Variants in CDH8 observed in about 807,000 individuals in gnomAD.
CDH8 encodes the protein cadherin-8.
CDH8 carries 17 observed loss-of-function variants against 68.1 expected under a neutral mutation model. The observed-to-expected ratio is 0.25, with a 90% CI of 0.17 to 0.37. The LOEUF (loss-of-function observed/expected upper bound fraction) is 0.37. Among genes scored for constraint, CDH8 ranks in the 10% least tolerant of loss-of-function variants. The pLI is 1.00. For synonymous variants in CDH8, 372 were observed against 365.1 expected, an observed-to-expected ratio of 1.02 and a Z score of -0.21; for missense variants, 763 against 999.3, an observed-to-expected ratio of 0.76 and a Z score of 3.19.
In CDH8 at chr16:61,650,223, A is replaced by G. The variant is rs1963289994; in HGVS notation, c.*3385T>C. ...GAAATGCCCCCCTTAATACTCTTTA[A>G]TATTCATATATGGATGTTTAAGAGA... is the stretch of plus-strand genomic sequence containing the variant. On this transcript the variant is annotated 3_prime_UTR_variant, in exon 12 of 12. Transcript: ENST00000577390. 1 of 152,092 alleles carries G rather than the reference A, an allele frequency of 6.6e-6. No individual in the cohort carries two copies. Among genetic ancestry groups the G allele is most frequent in the South Asian group, 2.1e-4 (1 of 4,836 alleles). The allele number at this position is 152,092 out of a possible 1,614,324, so 9.4% of individuals were successfully genotyped here.
intron 7 of CDH8, among the ~76,000 whole-genome samples, chr16:61,801,329 G>C (rs1961623325): frequency 1.3e-5 from 2 of 152,162 alleles, no homozygotes; most frequent in South Asian, 4.1e-4. Context: ...ATCTCAAAAT[G>C]TGTAACAAAT....
At chr16:61,979,922 G>A (rs772527300) in intron 2 of CDH8, among the ~76,000 whole-genome samples, 10 of 152,194 alleles carry the variant, frequency 6.6e-5, no homozygotes, top group Non-Finnish European at 1.2e-4. Flanking sequence ...CTAGCATGGA[G>A]AAGCGTGCTT....
intron 10 of CDH8, among the ~76,000 whole-genome samples, chr16:61,657,308 A>T: frequency 6.6e-6 from 1 of 152,242 alleles, no homozygotes; most frequent in South Asian, 2.1e-4. Flanking sequence ...CAAAATGGAT[A>T]TATAGTTATA....
intron 2 of CDH8, among the ~76,000 whole-genome samples, chr16:61,915,434 C>T (rs908702109): frequency 1.3e-5 from 2 of 152,116 alleles, no homozygotes; most frequent in Non-Finnish European, 2.9e-5. Flanking sequence ...TAATTGTTTG[C>T]TCAATATCAC....
chr16:61,770,619 T>A (rs1412976145), intron 8 of CDH8, among the ~76,000 whole-genome samples: 1 of 151,944 alleles, frequency 6.6e-6, no homozygotes, highest in Non-Finnish European at 1.5e-5. Context: ...TTCATGCTGT[T>A]CCCTTTGCCA....
At chr16:61,898,632 A>G (rs530700939) in intron 3 of CDH8, among the ~76,000 whole-genome samples, 1 of 152,324 alleles carries the variant, frequency 6.6e-6, no homozygotes, top group South Asian at 2.1e-4. Flanking sequence ...TTGGAAAATT[A>G]CTGAGATCAT....
At chr16:62,022,458 G>T (rs1295364373) in intron 1 of CDH8, among the ~76,000 whole-genome samples, 1 of 152,032 alleles carries the variant, frequency 6.6e-6, no homozygotes, top group Non-Finnish European at 1.5e-5. Context: ...GATTCAGAAA[G>T]GCAAGGGCAC....
chr16:62,002,668 A>G (rs1469106282), intron 2 of CDH8, among the ~76,000 whole-genome samples: 1 of 152,192 alleles, frequency 6.6e-6, no homozygotes, highest in Non-Finnish European at 1.5e-5. Context: ...AAAATACCCC[A>G]TTTTTTATAA....
chr16:61,660,573 G>A (rs1449540778), intron 10 of CDH8, among the ~76,000 whole-genome samples: 2 of 151,882 alleles, frequency 1.3e-5, no homozygotes, highest in Non-Finnish European at 2.9e-5. Flanking sequence ...AAAAAAAATA[G>A]TCTATACATC....
At chr16:61,909,998 A>G (rs187033599) in intron 2 of CDH8, among the ~76,000 whole-genome samples, 91 of 152,290 alleles carry the variant, frequency 6.0e-4, no homozygotes, top group Admixed American at 2.4e-3. Context: ...CCCTATAGCA[A>G]ATCCGTTGCT....
intron 2 of CDH8, chr16:61,918,142 G>T (rs1176584669): frequency 1.3e-5 from 2 of 151,670 alleles, no homozygotes; most frequent in Non-Finnish European, 1.5e-5. Context: ...TTTCACGTAA[G>T]AGTGTCTTTC....
chr16:61,948,526 A>T (rs1964836503), intron 2 of CDH8, among the ~76,000 whole-genome samples: 1 of 152,188 alleles, frequency 6.6e-6, no homozygotes, highest in Admixed American at 6.5e-5. Flanking sequence ...TTCCCTACTC[A>T]AAGGTTAACT....
chr16:61,863,878 A>C (rs1314261346), intron 3 of CDH8, among the ~76,000 whole-genome samples: 1 of 152,206 alleles, frequency 6.6e-6, no homozygotes, highest in Non-Finnish European at 1.5e-5. Flanking sequence ...TGTCTTACTT[A>C]AACATTCATG....
At chr16:61,900,036 T>C (rs1303773453) in intron 3 of CDH8, among the ~76,000 whole-genome samples, 1 of 152,240 alleles carries the variant, frequency 6.6e-6, no homozygotes, top group African/African-American at 2.4e-5. Context: ...ACTATATGTC[T>C]GTATACTTCC....
rs535444387 is a variant in CDH8 at position 61,900,693 on chromosome 16, T to C, written c.547+486A>G. Among the ~76,000 whole-genome samples the C allele has an allele frequency of 1.2e-4, 18 of 152,320 alleles. 1 individual carries two copies. In the East Asian group the frequency reaches 3.5e-3, roughly 29 times the overall value. ...ACACAAATACAGAGGCCCTTGGTAA[T>C]GTCGATTGCCTAATCCACCCTAGAC... On this transcript the variant is annotated intron_variant, in intron 3 of 11. Coordinates refer to ENST00000577390, the MANE Select transcript of CDH8 (RefSeq NM_001796.5).
At chr16:61,677,370 T>G (rs956784926) in intron 10 of CDH8, among the ~76,000 whole-genome samples, 23 of 151,728 alleles carry the variant, frequency 1.5e-4, no homozygotes, top group African/African-American at 4.1e-4. Context: ...ACTCTTCCAG[T>G]GGCAGCCTCC....
intron 4 of CDH8, among the ~76,000 whole-genome samples, chr16:61,853,236 A>G (rs981221298): frequency 1.3e-5 from 2 of 152,096 alleles, no homozygotes; most frequent in Non-Finnish European, 2.9e-5. Flanking sequence ...TAATTCCATG[A>G]AGTGAAATGT....
chr16:61,820,934 G>A lies in CDH8; in HGVS notation c.1015C>T (p.Leu339=), dbSNP rs202226552. 6.2e-7 allele frequency: 1 copy of A among 1,609,876 alleles called. No individual in the cohort carries two copies. Among genetic ancestry groups the A allele is most frequent in the Middle Eastern group, 1.7e-4 (1 of 6,026 alleles). ...DAQAQDGIIR[L]RKPLDFETKK... ...AAGCTTCCTTAGCTTACTTTTCTTA[G>A]CCTTATAATGCCATCCTGGGCCTGG... The change falls in exon 6 of 12, where the codon CTA becomes TTA. Residue 339 remains leucine (L), a synonymous_variant. Transcript: ENST00000577390.
At chr16:61,803,737 G>C (rs950878467) in intron 7 of CDH8, among the ~76,000 whole-genome samples, 5 of 146,222 alleles carry the variant, frequency 3.4e-5, no homozygotes, top group Non-Finnish European at 7.5e-5. Flanking sequence ...TTACATAATG[G>C]TAAAGGGATC....
Sources: gnomAD v4.1 joint callset for allele counts (sites outside exome capture counted in the v4.1 genomes callset) on GRCh38, gnomAD v4.1.1 for gene constraint, MANE v1.5 for transcripts, NCBI Gene and HGNC (gene_info 2026-07-23, HGNC 2026-07-21) for gene names.